Variants in ENO2 observed in about 807,000 individuals in gnomAD.
ENO2 encodes gamma-enolase.
Under a neutral mutation model 48.7 loss-of-function variants are expected in ENO2, and 19 were observed. The observed-to-expected ratio is 0.39, with a 90% confidence interval of 0.27 to 0.57. The LOEUF is 0.57. Among genes scored for constraint, ENO2 ranks in the 20% least tolerant of loss-of-function variants. The pLI, the probability that ENO2 is intolerant of heterozygous loss-of-function variation, is 0.58. For synonymous variants in ENO2, 198 were observed against 213.4 expected (o/e 0.93, Z 0.63); for missense variants, 416 against 555.0 (o/e 0.75, Z 2.52).
rs116611347 is a variant in ENO2, at chr12:6,916,838, A to G, written c.240+109A>G. ...AGGCCCACTCTTAGGAATCATGGTT[A>G]CAAGGGGGAAGGGTGGGGAACAGCT... On this transcript the variant is annotated intron_variant, in intron 4 of 11. Transcript: ENST00000229277. This position sits in a 1 kb window ranked among gnomAD's most constrained non-coding sequence, Gnocchi z 4.5. 2.1e-4 allele frequency: 313 copies of G among 1,491,588 alleles called. No homozygotes were observed. In the African/African-American group the frequency reaches 2.7e-3, roughly 13 times the overall value. The allele number at this position is 1,491,588 out of a possible 1,614,324, so 92.4% of individuals were successfully genotyped here. A position where few individuals can be genotyped will look rare whatever the true frequency, so the allele number is the denominator to read the frequency against.
At position 6,922,565 on chromosome 12, in the gene ENO2, T is replaced by C. The variant is rs1424241518; in HGVS notation, c.1235+163T>C. ...CTTCCTGGGTTTATTGATGGCCTGATTGACAAATCCCAGAGATCACATGGG... is the reference window on the plus strand; with the variant it reads ...CTTCCTGGGTTTATTGATGGCCTGACTGACAAATCCCAGAGATCACATGGG... On this transcript the variant is annotated intron_variant, in intron 11 of 11. Coordinates refer to ENST00000229277, the MANE Select transcript of ENO2 (RefSeq NM_001975.3). The surrounding 1 kb of genome is among the most constrained non-coding windows in gnomAD (Gnocchi z 5.3). 2.6e-5 allele frequency among the ~76,000 whole-genome samples: 4 copies of C among 152,284 alleles called. No individual in the cohort carries two copies. Among genetic ancestry groups the C allele is most frequent in the African/African-American group, 2.4e-5 (1 of 41,546 alleles).
chr12:6,917,533 AAGG>A (rs1555141719), intron 5 of ENO2, 45 bp from the exon 6 acceptor site: 9 of 1,581,700 alleles, frequency 5.7e-6, no homozygotes, highest in Non-Finnish European at 7.7e-6. Context: ...AGGAGCTAGA[AAGG>A]AGAAGGGGAC....
chr12:6,915,693 T>TTCCCCCCC, intron 1 of ENO2, 128 bp from the exon 2 acceptor site: 1 of 342,200 alleles, frequency 2.9e-6, no homozygotes, highest in South Asian at 2.2e-5. Context: ...AGCGCCTCCC[T>TTCCCCCCC]ACCCACCCCC....
chr12:6,917,649 G>A lies in ENO2; in HGVS notation c.379G>A (p.Glu127Lys). The A allele has an allele frequency of 1.3e-6, 2 of 1,588,566 alleles. No individual in the cohort carries two copies. Among genetic ancestry groups the A allele is most frequent in the Non-Finnish European group, 8.6e-7 (1 of 1,164,484 alleles). Residue 127 changes from glutamate to lysine, a missense_variant, in exon 6 of 12, where the codon GAA (glutamate) becomes AAA (lysine). Coordinates refer to ENST00000229277, the MANE Select transcript of ENO2 (RefSeq NM_001975.3). ...AVCKAGAAER[E>K]LPLYRHIAQL... ...GTGTAAGGCAGGGGCAGCTGAGCGG[G>A]AACTGCCCCTGTATCGCCACATTGC...
intron 6 of ENO2, 48 bp downstream of exon 6, chr12:6,917,762 G>T: frequency 6.4e-7 from 1 of 1,570,980 alleles, no homozygotes; most frequent in Non-Finnish European, 8.7e-7. Flanking sequence ...GGTGGGGGAG[G>T]GAGCATGCAA....
chr12:6,917,775 C>T, intron 6 of ENO2, 61 bp downstream of exon 6: 4 of 1,601,058 alleles, frequency 2.5e-6, no homozygotes, highest in Non-Finnish European at 3.4e-6. Flanking sequence ...GCATGCAACT[C>T]ATGAGGAATG....
intron 5 of ENO2, 178 bp from the exon 6 acceptor site, chr12:6,917,403 C>A: frequency 1.1e-6 from 1 of 884,642 alleles, no homozygotes. Flanking sequence ...CTCCTCCTCC[C>A]CACCCATTCC....
At position 6,916,711 on chromosome 12, in the gene ENO2, G is replaced by T. The variant is rs377088190; in HGVS notation, c.222G>T (p.Ala74=). ...TGGACCACATCAACTCCACCATCGC[G>T]CCAGCCCTCATCAGCTCAGTGAGGC... ...KAVDHINSTI[A]PALISSGLSV... is the part of the protein sequence containing the mutation. Residue 74 remains alanine (A), a synonymous_variant, in exon 4 of 12, where the codon GCG becomes GCT. Transcript: ENST00000229277. This position sits in a 1 kb window ranked among gnomAD's most constrained non-coding sequence, Gnocchi z 4.5. 1.2e-6 allele frequency: 2 copies of T among 1,613,986 alleles called. No individual in the cohort carries two copies. The highest frequency in any genetic ancestry group is 2.7e-5 in the African/African-American group (2 of 74,912).
At chr12:6,921,951 C>T (rs1354075106) in intron 9 of ENO2, 105 bp from the exon 10 acceptor site, 9 of 1,540,890 alleles carry the variant, frequency 5.8e-6, no homozygotes, top group Non-Finnish European at 8.1e-6. Context: ...TGCTCCCCTC[C>T]CAGATAGCTT....
rs782757486 is a variant in ENO2, at chr12:6,920,782, A to G, written c.866-799A>G. Among the ~76,000 whole-genome samples, 6 of 146,840 alleles carry G rather than the reference A, an allele frequency of 4.1e-5. No homozygotes were observed. The East Asian group carries it at 6.0e-4, about 15-fold the overall frequency. On this transcript the variant is annotated intron_variant, in intron 8 of 11. Transcript: ENST00000229277. ...GCCATGTTGCTCATGGCTGGTCTCA[A>G]ACTACTGGGCTCAAGTGATCTGCAT...
In ENO2 at chr12:6,920,717, CTT is replaced by C. The variant is rs781865832; in HGVS notation, c.866-842_866-841del. On this transcript the variant is annotated intron_variant, in intron 8 of 11. Transcript: ENST00000229277. ...GCCTGGCTGGTTTGCTTTTAATTAA[CTT>C]TTTTTTTTTTTTTTTTTTTTTGTAG... Among the ~76,000 whole-genome samples, 532 of 95,136 alleles carry C rather than the reference CTT, an allele frequency of 5.6e-3. 2 individuals carry two copies. The highest frequency in any genetic ancestry group is 0.021 in the African/African-American group (490 of 23,256). The allele number at this position is 95,136 out of a possible 152,430, so 62.4% of individuals were successfully genotyped here. A position where few individuals can be genotyped will look rare whatever the true frequency, so the allele number is the denominator to read the frequency against.
At position 6,916,419 on chromosome 12, in the gene ENO2, C is replaced by A; in HGVS notation, c.88C>A (p.Leu30Ile). The A allele has an allele frequency of 6.2e-7, 1 of 1,613,056 alleles. No homozygotes were observed. The highest frequency in any genetic ancestry group is 1.1e-5 in the South Asian group (1 of 90,722). The change falls in exon 3 of 12, where the codon CTT becomes ATT. Residue 30 changes from leucine to isoleucine, a missense_variant and splice_region_variant. Leu to Ile is a conservative substitution (Grantham distance 5). Transcript: ENST00000229277. This position sits in a 1 kb window ranked among gnomAD's most constrained non-coding sequence, Gnocchi z 4.5. ...CTCATTCCATGTTCCTCCTTTAGGT[C>A]TTTTCCGGGCTGCAGTGCCCAGTGG... The part of the protein sequence containing the change: ...VEVDLYTAKG[L>I]FRAAVPSGAS...
In ENO2 at chr12:6,917,648, G is replaced by C; in HGVS notation, c.378G>C (p.Arg126=). Residue 126 remains arginine, a synonymous_variant, in exon 6 of 12, where the codon CGG becomes CGC. Coordinates refer to ENST00000229277, the MANE Select transcript of ENO2 (RefSeq NM_001975.3). ...TGTGTAAGGCAGGGGCAGCTGAGCG[G>C]GAACTGCCCCTGTATCGCCACATTG... ...LAVCKAGAAE[R]ELPLYRHIAQ... is the part of the protein sequence containing the mutation. 6.2e-7 allele frequency: 1 copy of C among 1,613,820 alleles called. No homozygotes were observed. Among genetic ancestry groups the C allele is most frequent in the Non-Finnish European group, 8.5e-7 (1 of 1,179,918 alleles).
At chr12:6,915,995 CCTT>C in intron 2 of ENO2, 78 bp downstream of exon 2, 2 of 1,498,610 alleles carry the variant, frequency 1.3e-6, no homozygotes, top group Non-Finnish European at 1.9e-6. Flanking sequence ...GGTTCGGAGG[CCTT>C]TTTTGATACC....
chr12:6,916,911 G>A lies in ENO2; in HGVS notation c.241-127G>A, dbSNP rs61210190. The A allele has an allele frequency of 4.5e-3, 6,397 of 1,433,036 alleles. 208 individuals carry two copies. The East Asian group carries it at 0.089, about 20-fold the overall frequency. 88.8% of individuals were successfully genotyped at this position (1,433,036 alleles called of 1,614,324 possible). ...TGGGAGTTCAGGTCCCCTAATCCAGGTAGGCCCCTGTCACAGGGACCTGGT... is the reference window on the plus strand; with the variant it reads ...TGGGAGTTCAGGTCCCCTAATCCAGATAGGCCCCTGTCACAGGGACCTGGT... On this transcript the variant is annotated intron_variant, in intron 4 of 11. Transcript: ENST00000229277. The surrounding 1 kb of genome is among the most constrained non-coding windows in gnomAD (Gnocchi z 4.5).
chr12:6,917,870 C>A (rs1412814677), intron 6 of ENO2, 70 bp from the exon 7 acceptor site: 20 of 1,468,134 alleles, frequency 1.4e-5, no homozygotes, highest in Non-Finnish European at 1.8e-5. Flanking sequence ...AGTTTGGGAT[C>A]TTGGGTTAAC....
intron 5 of ENO2, 189 bp downstream of exon 5, chr12:6,917,296 G>A: frequency 1.3e-6 from 1 of 745,692 alleles, no homozygotes; most frequent in Non-Finnish European, 2.2e-6. Context: ...GCAGAAGGAA[G>A]ACCTTCTTTG....
intron 7 of ENO2, 104 bp downstream of exon 7, chr12:6,918,266 A>G: frequency 8.4e-7 from 1 of 1,188,274 alleles, no homozygotes; most frequent in Non-Finnish European, 1.2e-6. Context: ...GGAGGGTCCT[A>G]GGACTCTGCA....
In ENO2 at chr12:6,923,008, C is replaced by T. The variant is rs1014178449; in HGVS notation, c.*208C>T. On this transcript the variant is annotated 3_prime_UTR_variant, in exon 12 of 12. Transcript: ENST00000229277. Reference sequence around the variant, plus strand: ...TTCTGTGCCCTACTCATTGGGGTTCCGCACTTTCCACTTCTTCCTTTCTCT... The same window carrying T: ...TTCTGTGCCCTACTCATTGGGGTTCTGCACTTTCCACTTCTTCCTTTCTCT... 4.8e-5 allele frequency: 27 copies of T among 557,782 alleles called. No individual in the cohort carries two copies. The Middle Eastern group carries it at 9.1e-4, about 19-fold the overall frequency. The allele number at this position is 557,782 out of a possible 1,614,324, so 34.6% of individuals were successfully genotyped here.
Sources: gnomAD v4.1 joint callset for allele counts (sites outside exome capture counted in the v4.1 genomes callset) on GRCh38, gnomAD v4.1.1 for gene constraint, Gnocchi (gnomAD v3.1) non-coding constraint, MANE v1.5 for transcripts, NCBI Gene and HGNC (gene_info 2026-07-23, HGNC 2026-07-21) for gene names.